Variants in DNAAF9 observed in about 807,000 individuals in gnomAD.
DNAAF9 encodes dynein axonemal assembly factor 9.
A neutral mutation model predicts 167.0 loss-of-function variants in DNAAF9; 90 were observed. The observed-to-expected ratio is 0.54, with a 90% confidence interval of 0.45 to 0.64. The LOEUF (loss-of-function observed/expected upper bound fraction) is 0.64. Ranked by LOEUF, DNAAF9 falls within the 30% of genes least tolerant of loss-of-function variation. The probability of loss-of-function intolerance (pLI) is 0.00; values close to 1 mark genes in which losing one functional copy is unlikely to be tolerated. For synonymous variants in DNAAF9, 491 were observed against 508.8 expected, an observed-to-expected ratio of 0.96 and a Z score of 0.47; for missense variants, 1,315 against 1,442.2, an observed-to-expected ratio of 0.91 and a Z score of 1.43.
chr20:3,325,194 T>G (rs931338235), intron 13 of DNAAF9, among the ~76,000 whole-genome samples: 6 of 152,184 alleles, frequency 3.9e-5, no homozygotes, highest in Admixed American at 1.3e-4. Context: ...AGGACAAAAC[T>G]GCATTCAGGC....
At chr20:3,297,728 C>A (rs1259644085) in intron 22 of DNAAF9, among the ~76,000 whole-genome samples, 4 of 152,088 alleles carry the variant, frequency 2.6e-5, no homozygotes, top group East Asian at 1.9e-4. Context: ...GTAGGTAGGG[C>A]CCAACAATTC....
chr20:3,325,429 C>T (rs979217020), intron 13 of DNAAF9, among the ~76,000 whole-genome samples: 4 of 152,206 alleles, frequency 2.6e-5, no homozygotes, highest in African/African-American at 9.6e-5. Context: ...TATTGAAGGA[C>T]ACCCCACTGC....
intron 6 of DNAAF9, among the ~76,000 whole-genome samples, chr20:3,367,236 T>C (rs1199587237): frequency 6.6e-6 from 1 of 152,258 alleles, no homozygotes; most frequent in Non-Finnish European, 1.5e-5. Context: ...TAAAGAGAGT[T>C]AGGGCTTTGC....
Position 3,401,873 on chromosome 20 carries a change from C to T in DNAAF9, c.83+5602G>A, listed in dbSNP as rs370248419. ...GGGGTGACCGTGGGGAGGGCTCCCC[C>T]GCCCCCTTTTGATACAGAAAGATCT... On this transcript the variant is annotated intron_variant, in intron 1 of 36. Transcript: ENST00000252032. Among the ~76,000 whole-genome samples the T allele has an allele frequency of 6.1e-4, 91 of 148,732 alleles. 2 individuals are homozygous for T. In the South Asian group the frequency reaches 0.012, roughly 19 times the overall value.
At chr20:3,302,899 A>G (rs1023840492) in intron 21 of DNAAF9, among the ~76,000 whole-genome samples, 2 of 152,244 alleles carry the variant, frequency 1.3e-5, no homozygotes, top group Non-Finnish European at 2.9e-5. Context: ...TTGTATTTAC[A>G]GTATACTTTA....
intron 12 of DNAAF9, among the ~76,000 whole-genome samples, chr20:3,329,675 T>C (rs937044628): frequency 6.6e-6 from 1 of 152,252 alleles, no homozygotes; most frequent in Non-Finnish European, 1.5e-5. Flanking sequence ...GATCTTTAGA[T>C]AATCCTTTGT....
At chr20:3,325,979 C>T (rs1306281893) in intron 13 of DNAAF9, among the ~76,000 whole-genome samples, 2 of 151,774 alleles carry the variant, frequency 1.3e-5, no homozygotes, top group Non-Finnish European at 2.9e-5. Context: ...CAGATGTCTA[C>T]AAAGAAGCAC....
chr20:3,340,782 T>C, intron 9 of DNAAF9, 143 bp from the exon 10 acceptor site: 1 of 692,702 alleles, frequency 1.4e-6, no homozygotes, highest in Admixed American at 2.3e-5. Context: ...CGACCGAATA[T>C]CCTTGGCTGG....
chr20:3,324,151 A>G (rs1400804180), intron 14 of DNAAF9, among the ~76,000 whole-genome samples: 1 of 152,122 alleles, frequency 6.6e-6, no homozygotes, highest in Non-Finnish European at 1.5e-5. Context: ...GCAGAAATAG[A>G]ATTCTTTTTG....
At chr20:3,262,050 G>T (rs1274497790) in intron 31 of DNAAF9, among the ~76,000 whole-genome samples, 2 of 152,150 alleles carry the variant, frequency 1.3e-5, no homozygotes, top group African/African-American at 4.8e-5. Context: ...TCACTCTGAG[G>T]TGGTGGCTCT....
At chr20:3,280,908 C>T (rs1369476572) in intron 28 of DNAAF9, among the ~76,000 whole-genome samples, 1 of 152,132 alleles carries the variant, frequency 6.6e-6, no homozygotes, top group Admixed American at 6.5e-5. Flanking sequence ...AGCCACTGTG[C>T]CCTGCCTGAT....
chr20:3,353,242 G>A lies in DNAAF9; in HGVS notation c.691-4619C>T, dbSNP rs191473777. On this transcript the variant is annotated intron_variant, in intron 7 of 36. Transcript: ENST00000252032. ...TCATAATGCACATCACTGGCCTCAG[G>A]GAAGCTGTGCCCAAAGCCACCCATC... Among the ~76,000 whole-genome samples, 381 of 151,964 alleles carry A rather than the reference G, an allele frequency of 2.5e-3. 1 individual carries two copies. Among genetic ancestry groups the A allele is most frequent in the African/African-American group, 8.4e-3 (346 of 41,424 alleles).
At chr20:3,361,274 GA>G (rs796156260) in intron 6 of DNAAF9, among the ~76,000 whole-genome samples, 9 of 152,288 alleles carry the variant, frequency 5.9e-5, no homozygotes, top group African/African-American at 2.2e-4. Context: ...GAGGTGAGTG[GA>G]AGGGTTACAA....
At chr20:3,404,060 A>G (rs563290320) in intron 1 of DNAAF9, among the ~76,000 whole-genome samples, 15 of 151,844 alleles carry the variant, frequency 9.9e-5, no homozygotes, top group Non-Finnish European at 2.1e-4. Flanking sequence ...ATGGAGTTTC[A>G]CTCTTGTTGC....
At chr20:3,380,426 C>T (rs1448083119) in intron 3 of DNAAF9, among the ~76,000 whole-genome samples, 4 of 152,140 alleles carry the variant, frequency 2.6e-5, no homozygotes, top group African/African-American at 9.7e-5. Flanking sequence ...ATTTCTCAAC[C>T]TCGGCACTAC....
chr20:3,393,041 C>T (rs929477604), intron 1 of DNAAF9, among the ~76,000 whole-genome samples: 17 of 152,100 alleles, frequency 1.1e-4, no homozygotes, highest in Admixed American at 2.6e-4. Flanking sequence ...CTGCAACATG[C>T]TTTTTTTCAC....
chr20:3,399,667 T>C (rs1327504586), intron 1 of DNAAF9, among the ~76,000 whole-genome samples: 1 of 152,108 alleles, frequency 6.6e-6, no homozygotes, highest in Non-Finnish European at 1.5e-5. Flanking sequence ...AGGAAACCCC[T>C]TCTGTTTCCC....
At chr20:3,291,481 C>G (rs1364150643) in intron 25 of DNAAF9, among the ~76,000 whole-genome samples, 1 of 151,736 alleles carries the variant, frequency 6.6e-6, no homozygotes, top group Non-Finnish European at 1.5e-5. Flanking sequence ...GTAGCTGGGA[C>G]TACAGGTGCC....
chr20:3,402,276 G>GAT (rs954854379), intron 1 of DNAAF9, among the ~76,000 whole-genome samples: 3 of 151,934 alleles, frequency 2.0e-5, no homozygotes, highest in Non-Finnish European at 2.9e-5. Flanking sequence ...TAAATTGACA[G>GAT]ATATATATAT....
Sources: gnomAD v4.1 joint callset for allele counts (sites outside exome capture counted in the v4.1 genomes callset) on GRCh38, gnomAD v4.1.1 for gene constraint, MANE v1.5 for transcripts, NCBI Gene and HGNC (gene_info 2026-07-23, HGNC 2026-07-21) for gene names.